F8: variants seen among roughly 807,000 people sequenced by gnomAD.
F8 encodes coagulation factor VIII.
A neutral mutation model predicts 140.6 loss-of-function variants in F8; 12 were observed. That is an observed-to-expected ratio of 0.09 (90% CI 0.05 to 0.14). F8 has a LOEUF of 0.14. Ranked by LOEUF, F8 falls within the 10% of genes least tolerant of loss-of-function variation. The probability of loss-of-function intolerance (pLI) is 1.00; values close to 1 mark genes in which losing one functional copy is unlikely to be tolerated. For synonymous variants in F8, 585 were observed against 614.6 expected (o/e 0.95, Z 0.71); for missense variants, 1,354 against 1,720.7 (o/e 0.79, Z 3.77).
intron 22 of F8, among the ~76,000 whole-genome samples, chrX:154,868,342 A>G (rs1557273293): frequency 8.9e-6 from 1 of 112,131 alleles, no homozygotes; most frequent in Non-Finnish European, 1.9e-5. Context: ...CTGCCATGTA[A>G]GATGTGCCTA....
At chrX:154,892,106 G>C (rs1253288365) in intron 22 of F8, among the ~76,000 whole-genome samples, 7 of 111,207 alleles carry the variant, frequency 6.3e-5, no homozygotes, top group Non-Finnish European at 1.1e-4. Flanking sequence ...CCTTCCCACC[G>C]GTACTCTTAC....
At chrX:155,008,007 C>T (rs2073685265) in intron 1 of F8, among the ~76,000 whole-genome samples, 1 of 110,951 alleles carries the variant, frequency 9.0e-6, no homozygotes, top group South Asian at 3.9e-4. Context: ...TTAGCCAGCA[C>T]CACTATCTGA....
intron 13 of F8, among the ~76,000 whole-genome samples, chrX:154,946,953 C>T (rs12390555): frequency 0.01 from 1,120 of 111,391 alleles, 16 homozygotes; most frequent in African/African-American, 0.035. Context: ...AGGCTGGGCA[C>T]GGTGGCTCAC....
chrX:154,932,433 G>C (rs1241180327), intron 13 of F8, among the ~76,000 whole-genome samples: 1 of 111,756 alleles, frequency 8.9e-6, no homozygotes, highest in Non-Finnish European at 1.9e-5. Context: ...ATAAACATAA[G>C]AGACAAGATA....
At chrX:154,894,525 C>A (rs2072968669) in intron 22 of F8, among the ~76,000 whole-genome samples, 1 of 110,848 alleles carries the variant, frequency 9.0e-6, no homozygotes, top group African/African-American at 3.3e-5. Flanking sequence ...TCAAGACCAG[C>A]CTGGTCAACA....
chrX:154,854,618 G>GTA (rs1382834696), intron 25 of F8, among the ~76,000 whole-genome samples: 2 of 109,880 alleles, frequency 1.8e-5, no homozygotes, highest in Non-Finnish European at 3.8e-5. Flanking sequence ...GTGTGTGTGT[G>GTA]TATGTATCTC....
intron 14 of F8, among the ~76,000 whole-genome samples, chrX:154,913,278 G>A (rs1049279737): frequency 9.0e-6 from 1 of 111,142 alleles, no homozygotes; most frequent in African/African-American, 3.3e-5. Flanking sequence ...AAAAATCTCT[G>A]GATAGGCAGG....
At chrX:154,936,021 C>A (rs797034384) in intron 13 of F8, among the ~76,000 whole-genome samples, 2 of 106,649 alleles carry the variant, frequency 1.9e-5, no homozygotes, top group South Asian at 4.0e-4. Flanking sequence ...CACACACACA[C>A]ACAAAAATCA....
At chrX:154,987,031 G>T (rs1453321720) in intron 5 of F8, among the ~76,000 whole-genome samples, 2 of 112,124 alleles carry the variant, frequency 1.8e-5, no homozygotes, top group Non-Finnish European at 3.8e-5. Context: ...GATGAGGCCA[G>T]TCCGTTATCC....
In F8 at chrX:154,929,351, G is replaced by A. The variant is rs2124048585; in HGVS notation, c.4439C>T (p.Ser1480Phe). The stretch of plus-strand genomic sequence containing the variant: ...TGAATTTGTGGCACTTGTCCCCAGG[G>A]AGCCAACCTCTCTTTGATCACCAGT... ...EMTGDQREVGSLGTSATNSVT... is the reference protein window; with the variant it reads ...EMTGDQREVGFLGTSATNSVT... The change falls in exon 14 of 26, where the codon TCC becomes TTC. Residue 1480 changes from serine to phenylalanine, a missense_variant. Coordinates refer to ENST00000360256, the MANE Select transcript of F8 (RefSeq NM_000132.4). 3 of 1,211,934 alleles carry A rather than the reference G, an allele frequency of 2.5e-6. No homozygotes were observed. The highest frequency in any genetic ancestry group is 1.8e-5 in the South Asian group (1 of 57,007).
At chrX:154,874,450 C>T (rs1345038177) in intron 22 of F8, among the ~76,000 whole-genome samples, 4 of 112,455 alleles carry the variant, frequency 3.6e-5, no homozygotes, top group Non-Finnish European at 7.5e-5. Flanking sequence ...CTGGCAAAGG[C>T]CTTCTTTCTA....
intron 13 of F8, among the ~76,000 whole-genome samples, chrX:154,942,511 T>G (rs1199605869): frequency 9.0e-6 from 1 of 110,579 alleles, no homozygotes; most frequent in Non-Finnish European, 1.9e-5. Flanking sequence ...GCTCTGAAAT[T>G]GTGGCAATAA....
rs781826417 is a variant in F8 at position 154,929,049 on chromosome X, A to G, written c.4741T>C (p.Leu1581=). ...TGGTTATCCCAAGCAAGAGGATCCA[A>G]TAGCTTGGAGGGAGTCTTTGCAGAG... is the stretch of plus-strand genomic sequence containing the variant. ...ESSAKTPSKL[L]DPLAWDNHYG... Residue 1581 remains leucine (L), a synonymous_variant, in exon 14 of 26, where the codon TTG becomes CTG. Transcript: ENST00000360256. 3.3e-6 allele frequency: 4 copies of G among 1,210,833 alleles called. No homozygotes were observed. The South Asian group carries it at 5.3e-5, about 16-fold the overall frequency.
At chrX:154,932,355 C>G (rs2073202750) in intron 13 of F8, among the ~76,000 whole-genome samples, 1 of 112,085 alleles carries the variant, frequency 8.9e-6, no homozygotes, top group Non-Finnish European at 1.9e-5. Flanking sequence ...CTACCATGAA[C>G]AAGATTAGCT....
intron 22 of F8, among the ~76,000 whole-genome samples, chrX:154,895,354 T>C (rs1400580779): frequency 8.9e-6 from 1 of 112,054 alleles, no homozygotes; most frequent in Non-Finnish European, 1.9e-5. Flanking sequence ...CTAAAGACAA[T>C]GGGAAGACAT....
intron 4 of F8, among the ~76,000 whole-genome samples, chrX:154,989,539 T>G (rs1407927527): frequency 8.9e-6 from 1 of 112,092 alleles, no homozygotes; most frequent in African/African-American, 3.2e-5. Flanking sequence ...TTGGCAATTT[T>G]ATATTATTAT....
intron 22 of F8, among the ~76,000 whole-genome samples, chrX:154,871,614 T>C (rs2072774235): frequency 1.8e-5 from 2 of 111,697 alleles, no homozygotes; most frequent in Non-Finnish European, 3.8e-5. Context: ...ACCTGGGCAA[T>C]ACCATTCAGG....
intron 4 of F8, 150 bp from the exon 5 acceptor site, chrX:154,987,455 C>T: frequency 4.0e-6 from 2 of 494,996 alleles, no homozygotes; most frequent in Non-Finnish European, 6.9e-6. Context: ...GATGTCAGGT[C>T]TCCTATAGCA....
At chrX:154,964,084 C>CACACACACACACAT (rs200531450) in intron 9 of F8, among the ~76,000 whole-genome samples, 2,642 of 110,461 alleles carry the variant, frequency 0.024, 31 homozygotes, top group Non-Finnish European at 0.035. Flanking sequence ...GTGAAATGCA[C>CACACACACACACAT]ACACACACAC....
Sources: allele counts gnomAD v4.1 joint callset (sites outside exome capture counted in the v4.1 genomes callset), GRCh38; gene constraint gnomAD v4.1.1; transcripts MANE v1.5; gene names NCBI Gene and HGNC (gene_info 2026-07-23, HGNC 2026-07-21).